PRKAG2: variants seen among roughly 807,000 people sequenced by gnomAD.
The protein encoded by PRKAG2 is protein kinase AMP-activated non-catalytic subunit gamma 2, also known as 5'-AMP-activated protein kinase subunit gamma-2.
Under a neutral mutation model 69.6 loss-of-function variants are expected in PRKAG2, and 26 were observed. The ratio of observed to expected loss-of-function variants is 0.37; its 90% CI spans 0.27 to 0.52. The LOEUF (loss-of-function observed/expected upper bound fraction) is 0.52. PRKAG2 is among the 20% of genes least tolerant of loss of function. The probability of loss-of-function intolerance (pLI) is 0.90; values close to 1 mark genes in which losing one functional copy is unlikely to be tolerated. For missense variants in PRKAG2, 557 were observed against 740.0 expected (o/e 0.75, Z 2.87); for synonymous variants, 293 against 285.0 (o/e 1.03, Z -0.28).
chr7:151,725,584 G>A (rs1483494485), intron 3 of PRKAG2, among the ~76,000 whole-genome samples: 1 of 151,622 alleles, frequency 6.6e-6, no homozygotes, highest in African/African-American at 2.4e-5. Context: ...GAGCCAGGCT[G>A]GGTGTGGTGG....
At chr7:151,628,916 C>T (rs953297879) in intron 5 of PRKAG2, among the ~76,000 whole-genome samples, 2 of 152,088 alleles carry the variant, frequency 1.3e-5, no homozygotes, top group African/African-American at 2.4e-5. Flanking sequence ...GAGAAGGCCT[C>T]GGAGACCAGA....
intron 1 of PRKAG2, among the ~76,000 whole-genome samples, chr7:151,798,378 A>G (rs1035074153): frequency 6.6e-5 from 10 of 151,648 alleles, no homozygotes; most frequent in African/African-American, 2.4e-4. Context: ...GTAGTAGCGC[A>G]ATCTTGGCTC....
rs1563756417 is a variant in PRKAG2 at position 151,854,999 on chromosome 7, GCTCCACACACACCA to G, written c.114+21494_114+21507del. The stretch of plus-strand genomic sequence containing the variant: ...ACACACCATGCTCCACACACACCAT[GCTCCACACACACCA>G]CCCTCCACACACACCATGCTCCACA... On this transcript the variant is annotated intron_variant, in intron 1 of 15. Coordinates refer to ENST00000287878, the MANE Select transcript of PRKAG2 (RefSeq NM_016203.4). 3.7e-3 allele frequency among the ~76,000 whole-genome samples: 67 copies of G among 18,284 alleles called. 8 individuals carry two copies. The highest frequency in any genetic ancestry group is 8.7e-3 in the South Asian group (5 of 576). 12.0% of individuals were successfully genotyped at this position (18,284 alleles called of 152,430 possible).
chr7:151,557,112 T>G lies in PRKAG2; in HGVS notation c.*89A>C. 1 of 1,588,012 alleles carries G rather than the reference T, an allele frequency of 6.3e-7. No individual in the cohort carries two copies. The highest frequency in any genetic ancestry group is 8.6e-7 in the Non-Finnish European group (1 of 1,156,390). On this transcript the variant is annotated 3_prime_UTR_variant, in exon 16 of 16. Transcript: ENST00000287878. ...ATTGTTAAACCCTGATATACATTCT[T>G]AACCACTTGCAGCCAGTGTTCATGA...
chr7:151,847,443 G>A (rs755161438), intron 1 of PRKAG2, among the ~76,000 whole-genome samples: 4 of 152,042 alleles, frequency 2.6e-5, no homozygotes, highest in African/African-American at 9.7e-5. Flanking sequence ...ACATCCTCAC[G>A]GACGCTGGCC....
intron 5 of PRKAG2, among the ~76,000 whole-genome samples, chr7:151,620,461 T>C (rs1454302012): frequency 6.6e-6 from 1 of 151,708 alleles, no homozygotes; most frequent in East Asian, 2.0e-4. Flanking sequence ...GATTTCTCAA[T>C]AGATGGCTTT....
chr7:151,736,313 G>A (rs1396108457), intron 3 of PRKAG2: 9 of 1,182,674 alleles, frequency 7.6e-6, no homozygotes, highest in African/African-American at 1.5e-5. Context: ...GCTGCCGGAA[G>A]CGCAAACAGA....
chr7:151,785,543 T>C (rs954908462), intron 2 of PRKAG2, among the ~76,000 whole-genome samples: 1 of 152,198 alleles, frequency 6.6e-6, no homozygotes, highest in East Asian at 1.9e-4. Flanking sequence ...TTGATTCAGT[T>C]GTGTGTAATT....
intron 3 of PRKAG2, among the ~76,000 whole-genome samples, chr7:151,720,321 C>A (rs949779619): frequency 3.9e-5 from 6 of 151,976 alleles, no homozygotes; most frequent in African/African-American, 1.4e-4. Context: ...GTTTCTGTTA[C>A]TTCCAGCCCC....
At chr7:151,755,267 A>AGGCAC (rs1355000875) in intron 3 of PRKAG2, among the ~76,000 whole-genome samples, 1 of 152,080 alleles carries the variant, frequency 6.6e-6, no homozygotes, top group East Asian at 1.9e-4. Context: ...GGAATCTGGG[A>AGGCAC]GGCACGGCAC....
At position 151,632,295 on chromosome 7, in the gene PRKAG2, C is replaced by T. The variant is rs1824782608; in HGVS notation, c.685-157G>A. The stretch of plus-strand genomic sequence containing the variant: ...CGGGCAGCGGGGGCCGGGGGCGGAG[C>T]GGGAGCGCTGCCCCCACCCGCCCGA... On this transcript the variant is annotated intron_variant, in intron 4 of 15. Transcript: ENST00000287878. This position sits in a 1 kb window ranked among gnomAD's most constrained non-coding sequence, Gnocchi z 4.2. The T allele has an allele frequency of 3.2e-6, 3 of 946,928 alleles. No homozygotes were observed. The highest frequency in any genetic ancestry group is 1.8e-5 in the African/African-American group (1 of 55,900). 58.7% of individuals were successfully genotyped at this position (946,928 alleles called of 1,614,324 possible). A position where few individuals can be genotyped will look rare whatever the true frequency, so the allele number is the denominator to read the frequency against.
Position 151,850,745 on chromosome 7 carries a change from G to A in PRKAG2, c.114+25762C>T, listed in dbSNP as rs1311723258. Among the ~76,000 whole-genome samples the A allele has an allele frequency of 6.6e-6, 1 of 152,246 alleles. No individual in the cohort carries two copies. The highest frequency in any genetic ancestry group is 1.5e-5 in the Non-Finnish European group (1 of 68,048). On this transcript the variant is annotated intron_variant, in intron 1 of 15. Coordinates refer to ENST00000287878, the MANE Select transcript of PRKAG2 (RefSeq NM_016203.4). The surrounding 1 kb of genome is among the most constrained non-coding windows in gnomAD (Gnocchi z 4.1). ...GGGAGGAGTCAGAGGTGAGAGTCTGGTGCTCTGAGCGCTGCCTCGCAGTTG... is the reference window on the plus strand; with the variant it reads ...GGGAGGAGTCAGAGGTGAGAGTCTGATGCTCTGAGCGCTGCCTCGCAGTTG...
intron 4 of PRKAG2, among the ~76,000 whole-genome samples, chr7:151,643,981 A>G (rs1287949701): frequency 6.6e-6 from 1 of 152,262 alleles, no homozygotes; most frequent in Non-Finnish European, 1.5e-5. Flanking sequence ...TAATTCAGGA[A>G]TGGAAAACGA....
intron 3 of PRKAG2, among the ~76,000 whole-genome samples, chr7:151,705,386 A>G (rs1252505462): frequency 6.6e-6 from 1 of 152,180 alleles, no homozygotes; most frequent in Non-Finnish European, 1.5e-5. Flanking sequence ...TGGATTGGAA[A>G]TTAATCCAGC....
chr7:151,716,684 C>T (rs1297504450), intron 3 of PRKAG2, among the ~76,000 whole-genome samples: 1 of 152,192 alleles, frequency 6.6e-6, no homozygotes, highest in Non-Finnish European at 1.5e-5. Context: ...AATGGGACTT[C>T]ATATAAACTC....
intron 3 of PRKAG2, among the ~76,000 whole-genome samples, chr7:151,735,714 C>A (rs1468511102): frequency 1.3e-5 from 2 of 152,190 alleles, no homozygotes; most frequent in African/African-American, 4.8e-5. Context: ...AGGCGGCTCC[C>A]CACAGCAGCA....
intron 1 of PRKAG2, among the ~76,000 whole-genome samples, chr7:151,848,224 GGGT>G (rs2079481549): frequency 6.6e-6 from 1 of 152,158 alleles, no homozygotes; most frequent in Non-Finnish European, 1.5e-5. Flanking sequence ...GTGGGCTTGG[GGGT>G]GGTTAGGTCA....
intron 1 of PRKAG2, among the ~76,000 whole-genome samples, chr7:151,833,821 G>C (rs1013548401): frequency 1.3e-5 from 2 of 152,244 alleles, no homozygotes; most frequent in African/African-American, 4.8e-5. Flanking sequence ...CCTCCCCGCT[G>C]TGCCTCCCCC....
At chr7:151,855,236 C>T (rs2079709654) in intron 1 of PRKAG2, among the ~76,000 whole-genome samples, 3 of 136,364 alleles carry the variant, frequency 2.2e-5, no homozygotes, top group African/African-American at 5.2e-5. Context: ...CCACACACAC[C>T]GCCCTCCACA....
Sources: allele counts gnomAD v4.1 joint callset (sites outside exome capture counted in the v4.1 genomes callset), GRCh38; gene constraint gnomAD v4.1.1; non-coding constraint Gnocchi (gnomAD v3.1); transcripts MANE v1.5; gene names NCBI Gene and HGNC (gene_info 2026-07-23, HGNC 2026-07-21).